Variants in TMEM178B observed in about 807,000 individuals in gnomAD.
The protein encoded by TMEM178B is transmembrane protein 178B.
A neutral mutation model predicts 31.0 loss-of-function variants in TMEM178B; 5 were observed. The observed-to-expected ratio is 0.16, with a 90% CI of 0.08 to 0.34. The LOEUF (loss-of-function observed/expected upper bound fraction) is 0.34, where lower values mean the gene tolerates loss of function less well. Ranked by LOEUF, TMEM178B falls within the 10% of genes least tolerant of loss-of-function variation. The pLI is 1.00. For synonymous variants in TMEM178B, 164 were observed against 164.0 expected (o/e 1.00, Z 0.00); for missense variants, 275 against 400.3 (o/e 0.69, Z 2.67).
intron 2 of TMEM178B, among the ~76,000 whole-genome samples, chr7:141,390,312 G>C (rs1800512019): frequency 6.6e-6 from 1 of 152,094 alleles, no homozygotes; most frequent in Non-Finnish European, 1.5e-5. Context: ...CAGGCACTGG[G>C]GGCTCTAAGC....
chr7:141,290,925 G>T (rs1321536939), intron 2 of TMEM178B, among the ~76,000 whole-genome samples: 1 of 152,204 alleles, frequency 6.6e-6, no homozygotes, highest in African/African-American at 2.4e-5. Flanking sequence ...CCGAAATAAA[G>T]TGGTTACTCA....
intron 2 of TMEM178B, among the ~76,000 whole-genome samples, chr7:141,233,812 T>C (rs1797484760): frequency 6.6e-6 from 1 of 152,210 alleles, no homozygotes; most frequent in African/African-American, 2.4e-5. Flanking sequence ...GACTTCATTG[T>C]GCATCTGTCC....
intron 2 of TMEM178B, among the ~76,000 whole-genome samples, chr7:141,316,310 C>A (rs1799004557): frequency 6.6e-6 from 1 of 152,154 alleles, no homozygotes; most frequent in Non-Finnish European, 1.5e-5. Flanking sequence ...TTCATCAAAC[C>A]TATAAATGCT....
chr7:141,299,168 C>G (rs1412559806), intron 2 of TMEM178B, among the ~76,000 whole-genome samples: 1 of 151,916 alleles, frequency 6.6e-6, no homozygotes, highest in Non-Finnish European at 1.5e-5. Flanking sequence ...TCTTAGAAAC[C>G]AAGCCAGTTT....
At chr7:141,146,839 A>G (rs894579881) in intron 1 of TMEM178B, among the ~76,000 whole-genome samples, 4 of 152,194 alleles carry the variant, frequency 2.6e-5, no homozygotes, top group Admixed American at 6.5e-5. Flanking sequence ...AAGCCGCAGA[A>G]GCATGGAGGT....
At chr7:141,237,295 GT>G (rs1797542198) in intron 2 of TMEM178B, among the ~76,000 whole-genome samples, 1 of 152,186 alleles carries the variant, frequency 6.6e-6, no homozygotes, top group Non-Finnish European at 1.5e-5. Context: ...TATACAGAGA[GT>G]TTTAAATTCA....
chr7:141,398,622 G>A lies in TMEM178B; in HGVS notation c.497-38986G>A, dbSNP rs562704355. On this transcript the variant is annotated intron_variant, in intron 2 of 3. Coordinates refer to ENST00000565468, the MANE Select transcript of TMEM178B (RefSeq NM_001195278.2). ...CTGGGACATCTGCAAGAGCACATGGGAGGTAAATTTGACTGTTCAGCAGGA... is the reference window on the plus strand; with the variant it reads ...CTGGGACATCTGCAAGAGCACATGGAAGGTAAATTTGACTGTTCAGCAGGA... 7.9e-5 allele frequency among the ~76,000 whole-genome samples: 12 copies of A among 152,328 alleles called. No individual in the cohort carries two copies. The South Asian group carries it at 2.5e-3, about 32-fold the overall frequency.
At chr7:141,268,752 A>C (rs1458601947) in intron 2 of TMEM178B, among the ~76,000 whole-genome samples, 1 of 152,248 alleles carries the variant, frequency 6.6e-6, no homozygotes, top group African/African-American at 2.4e-5. Context: ...TCTCAAAGAC[A>C]AAGCACAATT....
chr7:141,336,920 A>AT, intron 2 of TMEM178B, among the ~76,000 whole-genome samples: 2 of 137,600 alleles, frequency 1.5e-5, no homozygotes, highest in African/African-American at 5.8e-5. Flanking sequence ...CACCACCACC[A>AT]CCACCACCAC....
At chr7:141,299,090 C>G (rs1348122863) in intron 2 of TMEM178B, among the ~76,000 whole-genome samples, 2 of 152,100 alleles carry the variant, frequency 1.3e-5, no homozygotes, top group Non-Finnish European at 2.9e-5. Flanking sequence ...AGAGCTGCCT[C>G]GTAGTGGTGG....
intron 1 of TMEM178B, among the ~76,000 whole-genome samples, chr7:141,134,935 A>C (rs1266857663): frequency 6.6e-6 from 1 of 152,176 alleles, no homozygotes; most frequent in East Asian, 1.9e-4. Flanking sequence ...GAGATGACTG[A>C]ATCATGGGGG....
At chr7:141,158,189 G>A (rs945730885) in intron 1 of TMEM178B, among the ~76,000 whole-genome samples, 5 of 152,096 alleles carry the variant, frequency 3.3e-5, no homozygotes, top group Non-Finnish European at 2.9e-5. Flanking sequence ...TCCATCTCCC[G>A]GGTTCAAGCG....
In TMEM178B at chr7:141,165,671, C is replaced by T. The variant is rs186688549; in HGVS notation, c.383-46920C>T. Among the ~76,000 whole-genome samples, 10 of 152,314 alleles carry T rather than the reference C, an allele frequency of 6.6e-5. No homozygotes were observed. The East Asian group carries it at 1.9e-3, about 29-fold the overall frequency. On this transcript the variant is annotated intron_variant, in intron 1 of 3. Coordinates refer to ENST00000565468, the MANE Select transcript of TMEM178B (RefSeq NM_001195278.2). The stretch of plus-strand genomic sequence containing the variant: ...TTTCAAAGGCATGTTCCTGGAAGTT[C>T]AACACAAAACTTCTGCTTTTACAGC...
chr7:141,374,977 T>G (rs1409972728), intron 2 of TMEM178B, among the ~76,000 whole-genome samples: 1 of 152,240 alleles, frequency 6.6e-6, no homozygotes, highest in Non-Finnish European at 1.5e-5. Context: ...TATGTCCCCA[T>G]GTCCCATGGC....
At chr7:141,409,029 A>G (rs1025412985) in intron 2 of TMEM178B, among the ~76,000 whole-genome samples, 1 of 152,214 alleles carries the variant, frequency 6.6e-6, no homozygotes, top group Non-Finnish European at 1.5e-5. Context: ...CAGCCACGCC[A>G]CTGAAGGTCT....
intron 2 of TMEM178B, chr7:141,431,241 TAGAA>T (rs1215579043): frequency 2.0e-5 from 3 of 151,662 alleles, no homozygotes; most frequent in African/African-American, 7.3e-5. Context: ...AAAGAGCAAA[TAGAA>T]AGACATTCAG....
chr7:141,503,466 A>C, the TMEM178B span, among the ~76,000 whole-genome samples: 1 of 152,222 alleles, frequency 6.6e-6, no homozygotes, highest in Non-Finnish European at 1.5e-5. Context: ...GTGTTAGCAT[A>C]GTGAAGGAAG....
At chr7:141,340,678 A>G (rs191106734) in intron 2 of TMEM178B, among the ~76,000 whole-genome samples, 1 of 152,364 alleles carries the variant, frequency 6.6e-6, no homozygotes, top group Admixed American at 6.5e-5. Flanking sequence ...GGAGCAGTGC[A>G]ACAGAAAAAC....
intron 2 of TMEM178B, among the ~76,000 whole-genome samples, chr7:141,232,286 C>A (rs35166563): frequency 6.6e-6 from 1 of 151,990 alleles, no homozygotes; most frequent in East Asian, 1.9e-4. Context: ...TGCATGTATC[C>A]TTATAATAGA....
Sources: allele counts gnomAD v4.1 joint callset (sites outside exome capture counted in the v4.1 genomes callset), GRCh38; gene constraint gnomAD v4.1.1; transcripts MANE v1.5; gene names NCBI Gene and HGNC (gene_info 2026-07-23, HGNC 2026-07-21).